The following SYNE2 variants were observed in gnomAD, a reference collection of about 807,000 sequenced individuals.
SYNE2 encodes the protein nesprin-2.
Under a neutral mutation model 856.3 loss-of-function variants are expected in SYNE2, and 431 were observed. That is an observed-to-expected ratio of 0.50 (90% CI 0.47 to 0.55). SYNE2 has a LOEUF of 0.55. SYNE2 is among the 20% of genes least tolerant of loss of function. The probability of loss-of-function intolerance (pLI) is 0.00; values close to 1 mark genes in which losing one functional copy is unlikely to be tolerated. For missense variants in SYNE2, 8,129 were observed against 8,023.2 expected, an observed-to-expected ratio of 1.01 and a Z score of -0.50; for synonymous variants, 2,923 against 2,872.3, an observed-to-expected ratio of 1.02 and a Z score of -0.56.
chr14:64,051,781 T>C lies in SYNE2; in HGVS notation c.7868T>C (p.Val2623Ala), dbSNP rs766781220. Residue 2623 changes from valine to alanine, a missense_variant, in exon 48 of 116, where the codon GTG becomes GCG. Val to Ala is a moderately conservative substitution (Grantham distance 64, BLOSUM62 0). Coordinates refer to ENST00000555002, the MANE Select transcript of SYNE2 (RefSeq NM_182914.3). ...CAAAAGAAGTATTCTCAGCAGGTAG[T>C]GGAATATGATGAATTTACAACCCTC... Reference protein sequence around the residue: ...QIQKKYSQQVVEYDEFTTLMN... With the variant: ...QIQKKYSQQVAEYDEFTTLMN... The C allele has an allele frequency of 3.1e-6, 5 of 1,613,990 alleles. No individual in the cohort carries two copies.
intron 1 of SYNE2, among the ~76,000 whole-genome samples, chr14:63,854,064 G>A (rs936135654): frequency 6.6e-6 from 1 of 151,970 alleles, no homozygotes; most frequent in African/African-American, 2.4e-5. Context: ...GTGAAAGGGA[G>A]CGTCTGAGCT....
Position 64,056,179 on chromosome 14 carries a change from T to A in SYNE2, c.9980T>A (p.Leu3327Gln). 1.2e-6 allele frequency: 2 copies of A among 1,614,136 alleles called. No homozygotes were observed. Among genetic ancestry groups the A allele is most frequent in the Non-Finnish European group, 1.7e-6 (2 of 1,180,012 alleles). ...LGMISSPEAK[L>Q]QLQYTLQELV... ...ATGATATCCAGCCCCGAAGCCAAAC[T>A]ACAACTTCAGTATACTTTACAGGAA... Residue 3327 changes from leucine to glutamine, a missense_variant, in exon 49 of 116, where the codon CTA becomes CAA. Coordinates refer to ENST00000555002, the MANE Select transcript of SYNE2 (RefSeq NM_182914.3).
intron 78 of SYNE2, among the ~76,000 whole-genome samples, chr14:64,134,763 G>T (rs1478926922): frequency 6.6e-6 from 1 of 151,794 alleles, no homozygotes; most frequent in African/African-American, 2.4e-5. Context: ...GATTGCCTGG[G>T]CTCAGGAGTT....
chr14:64,012,997 C>G (rs1567049375), intron 32 of SYNE2, among the ~76,000 whole-genome samples: 1 of 152,162 alleles, frequency 6.6e-6, no homozygotes, highest in East Asian at 1.9e-4. Context: ...GTTCTACTCT[C>G]TTTAATGAAA....
At chr14:64,067,945 G>T (rs2097370123) in intron 51 of SYNE2, among the ~76,000 whole-genome samples, 1 of 151,966 alleles carries the variant, frequency 6.6e-6, no homozygotes, top group African/African-American at 2.4e-5. Flanking sequence ...TGGGTTTTTT[G>T]GTCTCCTTCA....
Position 64,212,110 on chromosome 14 carries a change from T to C in SYNE2, c.18861+12T>C, listed in dbSNP as rs1206955159. The C allele has an allele frequency of 6.2e-7, 1 of 1,613,890 alleles. No individual in the cohort carries two copies. The highest frequency in any genetic ancestry group is 1.3e-5 in the African/African-American group (1 of 75,052). ...TGCGCCAACTGAATGTGAGGGCTGC[T>C]GCTTCCCTAGCTCTTCTCAAAAGAA... On this transcript the variant is annotated intron_variant, in intron 104 of 115. Coordinates refer to ENST00000555002, the MANE Select transcript of SYNE2 (RefSeq NM_182914.3).
chr14:63,802,538 G>T (rs1443336823), intron 1 of SYNE2, among the ~76,000 whole-genome samples: 1 of 152,188 alleles, frequency 6.6e-6, no homozygotes, highest in Non-Finnish European at 1.5e-5. Flanking sequence ...GGGAAGGCAT[G>T]ATTATGTTTT....
chr14:64,061,983 G>T (rs1393983536), intron 49 of SYNE2, among the ~76,000 whole-genome samples: 1 of 152,008 alleles, frequency 6.6e-6, no homozygotes, highest in Admixed American at 6.5e-5. Context: ...TTATTCATGC[G>T]TTTTAAGAGT....
At chr14:64,165,783 G>C (rs2098373930) in intron 90 of SYNE2, among the ~76,000 whole-genome samples, 1 of 152,136 alleles carries the variant, frequency 6.6e-6, no homozygotes, top group Non-Finnish European at 1.5e-5. Context: ...CAAAGTGCTG[G>C]GATTACAGGC....
intron 1 of SYNE2, among the ~76,000 whole-genome samples, chr14:63,880,827 T>C (rs1411779650): frequency 6.6e-6 from 1 of 151,822 alleles, no homozygotes; most frequent in Non-Finnish European, 1.5e-5. Flanking sequence ...CATGTGCCAC[T>C]GTGACTGGCT....
At chr14:63,976,766 T>C (rs778585709) in intron 12 of SYNE2, 39 bp downstream of exon 12, 1 of 1,593,730 alleles carries the variant, frequency 6.3e-7, no homozygotes, top group Non-Finnish European at 8.6e-7. Context: ...AAAATACATA[T>C]TTTGTTAGGG....
Position 64,225,679 on chromosome 14 carries a change from C to A in SYNE2, c.*153C>A. 1.2e-6 allele frequency: 1 copy of A among 834,590 alleles called. No individual in the cohort carries two copies. The highest frequency in any genetic ancestry group is 2.0e-6 in the Non-Finnish European group (1 of 506,536). 51.7% of individuals were successfully genotyped at this position (834,590 alleles called of 1,614,324 possible). Reference sequence around the variant, plus strand: ...CTTACCCAGCACGGGCTCCCTGGAGCCCAGGGCAGCTTTCAGATTGTGTTC... The same window carrying A: ...CTTACCCAGCACGGGCTCCCTGGAGACCAGGGCAGCTTTCAGATTGTGTTC... On this transcript the variant is annotated 3_prime_UTR_variant, in exon 116 of 116. Transcript: ENST00000555002.
chr14:63,830,325 A>G (rs1889623424), intron 1 of SYNE2, among the ~76,000 whole-genome samples: 1 of 151,504 alleles, frequency 6.6e-6, no homozygotes. Context: ...TGGATACATC[A>G]TTGTGAATAT....
chr14:63,802,870 C>T (rs1004382950), intron 1 of SYNE2, among the ~76,000 whole-genome samples: 1 of 151,960 alleles, frequency 6.6e-6, no homozygotes, highest in Non-Finnish European at 1.5e-5. Context: ...GGCTCGTGGT[C>T]TCCCTGGGCT....
intron 37 of SYNE2, 60 bp downstream of exon 37, chr14:64,022,088 G>A: frequency 6.6e-7 from 1 of 1,513,042 alleles, no homozygotes; most frequent in Non-Finnish European, 9.2e-7. Context: ...ATGTAGTACT[G>A]TGAACACAAA....
chr14:63,951,383 A>T (rs1035097406), intron 7 of SYNE2, among the ~76,000 whole-genome samples: 2 of 152,062 alleles, frequency 1.3e-5, no homozygotes, highest in African/African-American at 4.8e-5. Flanking sequence ...ACTCACTGCA[A>T]CCTGCACCTC....
At chr14:63,767,633 T>C (rs1279019994) in intron 1 of SYNE2, among the ~76,000 whole-genome samples, 13 of 152,092 alleles carry the variant, frequency 8.5e-5, no homozygotes, top group Non-Finnish European at 1.3e-4. Context: ...GTCCCAGCCT[T>C]ACCTGGTTCA....
intron 99 of SYNE2, among the ~76,000 whole-genome samples, chr14:64,192,081 T>TCC (rs2098521302): frequency 6.6e-6 from 1 of 152,188 alleles, no homozygotes; most frequent in African/African-American, 2.4e-5. Context: ...GTCGTGTGTT[T>TCC]ATTGAGTGGA....
intron 45 of SYNE2, among the ~76,000 whole-genome samples, chr14:64,041,904 A>G (rs1179915183): frequency 1.3e-5 from 2 of 152,094 alleles, no homozygotes; most frequent in African/African-American, 4.8e-5. Flanking sequence ...CTATGCTGGT[A>G]GGAATATAAA....
Sources: gnomAD v4.1 joint callset for allele counts (sites outside exome capture counted in the v4.1 genomes callset) on GRCh38, gnomAD v4.1.1 for gene constraint, MANE v1.5 for transcripts, NCBI Gene and HGNC (gene_info 2026-07-23, HGNC 2026-07-21) for gene names.